EDA: variants seen among roughly 807,000 people sequenced by gnomAD.
EDA encodes the protein ectodysplasin A.
Under a neutral mutation model 23.6 loss-of-function variants are expected in EDA, and 2 were observed. The ratio of observed to expected loss-of-function variants is 0.08; its 90% CI spans 0.03 to 0.27. The LOEUF is 0.27. Among genes scored for constraint, EDA ranks in the 10% least tolerant of loss-of-function variants. EDA has a pLI of 1.00. For synonymous variants in EDA, 131 were observed against 132.0 expected, an observed-to-expected ratio of 0.99 and a Z score of 0.05; for missense variants, 229 against 324.2, an observed-to-expected ratio of 0.71 and a Z score of 2.26.
At chrX:69,635,676 C>A (rs1248040846) in intron 1 of EDA, among the ~76,000 whole-genome samples, 2 of 103,100 alleles carry the variant, frequency 1.9e-5, no homozygotes, top group African/African-American at 7.4e-5. Context: ...TCAAGCGATT[C>A]TCCTGCCTCA....
chrX:70,020,548 G>C (rs2020019078), intron 2 of EDA, among the ~76,000 whole-genome samples: 1 of 92,208 alleles, frequency 1.1e-5, no homozygotes, highest in Admixed American at 1.2e-4. Context: ...GACAGAGCGA[G>C]ACTCCGTCTC....
intron 1 of EDA, among the ~76,000 whole-genome samples, chrX:69,723,436 G>T (rs2012667613): frequency 8.9e-6 from 1 of 111,825 alleles, no homozygotes; most frequent in Non-Finnish European, 1.9e-5. Context: ...GAAAAATGAA[G>T]TTTATGAGTC....
chrX:69,928,085 C>T (rs2018547986), intron 1 of EDA, among the ~76,000 whole-genome samples: 1 of 111,356 alleles, frequency 9.0e-6, no homozygotes, highest in African/African-American at 3.3e-5. Context: ...TGTATAGATG[C>T]CATTAATTTA....
At chrX:69,866,520 G>A (rs146158244) in intron 1 of EDA, among the ~76,000 whole-genome samples, 2,709 of 111,234 alleles carry the variant, frequency 0.024, 66 homozygotes, top group African/African-American at 0.085. Context: ...GGGAACAGGA[G>A]GCAAAAATTT....
At chrX:69,807,120 G>A (rs999943696) in intron 1 of EDA, among the ~76,000 whole-genome samples, 2 of 110,088 alleles carry the variant, frequency 1.8e-5, no homozygotes, top group African/African-American at 6.6e-5. Flanking sequence ...TTGGAAATGC[G>A]ACTTAGAAAT....
intron 2 of EDA, among the ~76,000 whole-genome samples, chrX:70,012,856 T>C (rs975526622): frequency 2.7e-5 from 3 of 111,635 alleles, no homozygotes; most frequent in Non-Finnish European, 5.7e-5. Flanking sequence ...CTACCTGGGC[T>C]CTTGGGCCAG....
chrX:69,952,555 C>T (rs1457235931), intron 1 of EDA, among the ~76,000 whole-genome samples: 1 of 112,063 alleles, frequency 8.9e-6, no homozygotes. Flanking sequence ...TGAGTGGGGA[C>T]ACAGCCAAAC....
intron 2 of EDA, among the ~76,000 whole-genome samples, chrX:70,012,170 T>C (rs1047928302): frequency 8.9e-6 from 1 of 111,906 alleles, no homozygotes; most frequent in Non-Finnish European, 1.9e-5. Context: ...AGAAAACATA[T>C]GGTTACAAAT....
At chrX:69,748,105 G>C (rs191971112) in intron 1 of EDA, among the ~76,000 whole-genome samples, 1 of 111,771 alleles carries the variant, frequency 8.9e-6, no homozygotes, top group Non-Finnish European at 1.9e-5. Context: ...CACTCTTGTG[G>C]TAGGGGAAGC....
At chrX:69,634,423 C>T (rs931514378) in intron 1 of EDA, among the ~76,000 whole-genome samples, 1 of 111,105 alleles carries the variant, frequency 9.0e-6, no homozygotes, top group African/African-American at 3.3e-5. Context: ...AGTGATCCTT[C>T]CGCATCAGCC....
intron 1 of EDA, among the ~76,000 whole-genome samples, chrX:69,798,452 A>G (rs1389753592): frequency 2.7e-5 from 3 of 111,870 alleles, no homozygotes; most frequent in African/African-American, 6.5e-5. Context: ...AAAAATTGGA[A>G]TCATACAAAG....
chrX:69,999,172 G>A, intron 2 of EDA, among the ~76,000 whole-genome samples: 1 of 111,930 alleles, frequency 8.9e-6, no homozygotes, highest in East Asian at 2.8e-4. Context: ...TAGCTGAGTG[G>A]ACTGAGAAAA....
At chrX:69,703,952 G>C (rs150946486) in intron 1 of EDA, among the ~76,000 whole-genome samples, 115 of 112,099 alleles carry the variant, frequency 1.0e-3, no homozygotes, top group African/African-American at 3.6e-3. Context: ...CTTATCATAG[G>C]TATGTATGTA....
intron 1 of EDA, among the ~76,000 whole-genome samples, chrX:69,640,014 C>T (rs1348831327): frequency 8.9e-6 from 1 of 111,851 alleles, no homozygotes; most frequent in Non-Finnish European, 1.9e-5. Context: ...AGAAGACTGT[C>T]CTTTCTCAAC....
intron 2 of EDA, among the ~76,000 whole-genome samples, chrX:69,970,867 A>G (rs2019238110): frequency 8.9e-6 from 1 of 111,933 alleles, no homozygotes; most frequent in Non-Finnish European, 1.9e-5. Context: ...AACTGTGCAT[A>G]ACTCTTATTA....
intron 1 of EDA, among the ~76,000 whole-genome samples, chrX:69,946,952 T>A (rs1316791225): frequency 8.9e-6 from 1 of 112,651 alleles, no homozygotes; most frequent in Admixed American, 9.4e-5. Context: ...CATTATCAAA[T>A]ATTTAAGAGC....
At chrX:69,788,876 C>A (rs866732690) in intron 1 of EDA, among the ~76,000 whole-genome samples, 1 of 111,719 alleles carries the variant, frequency 9.0e-6, no homozygotes. Context: ...CAATGGCGGG[C>A]GCCCCTCCCC....
At chrX:69,876,633 T>G (rs1338149425) in intron 1 of EDA, among the ~76,000 whole-genome samples, 5 of 111,494 alleles carry the variant, frequency 4.5e-5, no homozygotes. Flanking sequence ...ACTACTTGTC[T>G]GTTTCCTTTC....
At chrX:69,968,572 A>G (rs927939207) in intron 2 of EDA, among the ~76,000 whole-genome samples, 4 of 111,738 alleles carry the variant, frequency 3.6e-5, no homozygotes, top group Admixed American at 2.9e-4. Flanking sequence ...TTCAATCCCA[A>G]ATTATCTTAG....
Sources: gnomAD v4.1 joint callset for allele counts (sites outside exome capture counted in the v4.1 genomes callset) on GRCh38, gnomAD v4.1.1 for gene constraint, MANE v1.5 for transcripts, NCBI Gene and HGNC (gene_info 2026-07-23, HGNC 2026-07-21) for gene names.